Variants in TYR observed in about 807,000 individuals in gnomAD.
TYR encodes tyrosinase, also known as LB24-AB.
In TYR, 58 loss-of-function variants were observed where a neutral mutation model predicts 51.5. The ratio of observed to expected loss-of-function variants is 1.13; its 90% CI spans 0.91 to 1.40. The LOEUF (loss-of-function observed/expected upper bound fraction) is 1.40, where lower values mean the gene tolerates loss of function less well. Among genes scored for constraint, TYR ranks in the 40% most tolerant of loss-of-function variants. TYR has a pLI of 0.00. For synonymous variants in TYR, 263 were observed against 235.2 expected, an observed-to-expected ratio of 1.12 and a Z score of -1.08; for missense variants, 732 against 647.4, an observed-to-expected ratio of 1.13 and a Z score of -1.42.
At chr11:89,275,187 A>C (rs2135317620) in intron 3 of TYR, among the ~76,000 whole-genome samples, 1 of 152,026 alleles carries the variant, frequency 6.6e-6, no homozygotes, top group Admixed American at 6.6e-5. Flanking sequence ...CCTTTCTTAC[A>C]TACTCTGAGA....
intron 1 of TYR, among the ~76,000 whole-genome samples, chr11:89,180,283 T>C (rs559324744): frequency 6.6e-6 from 1 of 152,262 alleles, no homozygotes; most frequent in South Asian, 2.1e-4. Flanking sequence ...GGACATGGGA[T>C]TTTCAGTCAG....
chr11:89,204,713 T>A (rs931944746), intron 2 of TYR, among the ~76,000 whole-genome samples: 1 of 152,034 alleles, frequency 6.6e-6, no homozygotes, highest in African/African-American at 2.4e-5. Flanking sequence ...TATAAACTTT[T>A]ATAAAACAGA....
At chr11:89,182,019 T>C (rs1026247489) in intron 1 of TYR, among the ~76,000 whole-genome samples, 2 of 152,208 alleles carry the variant, frequency 1.3e-5, no homozygotes, top group African/African-American at 2.4e-5. Flanking sequence ...AGACTTTTAC[T>C]GATCCACCTC....
intron 3 of TYR, among the ~76,000 whole-genome samples, chr11:89,268,164 A>T (rs1168833501): frequency 2.0e-5 from 3 of 151,936 alleles, no homozygotes; most frequent in African/African-American, 7.2e-5. Flanking sequence ...AACATAGCTC[A>T]TAGGGTTGTT....
intron 4 of TYR, among the ~76,000 whole-genome samples, chr11:89,291,439 C>A (rs1258677489): frequency 4.0e-5 from 6 of 151,756 alleles, no homozygotes; most frequent in Non-Finnish European, 8.8e-5. Context: ...GCATCAGGTA[C>A]TTTTAGTAGC....
At chr11:89,210,528 G>C (rs1025549239) in intron 2 of TYR, among the ~76,000 whole-genome samples, 4 of 152,282 alleles carry the variant, frequency 2.6e-5, no homozygotes, top group African/African-American at 9.6e-5. Flanking sequence ...GAATGACCAA[G>C]TTACAAAACA....
intron 4 of TYR, chr11:89,293,706 C>T (rs1944874432): frequency 1.2e-5 from 2 of 162,710 alleles, no homozygotes; most frequent in South Asian, 2.0e-4. Flanking sequence ...TAATTAAAAG[C>T]CAAGACCCAG....
chr11:89,190,215 C>T (rs569317600), intron 1 of TYR, among the ~76,000 whole-genome samples: 3 of 152,124 alleles, frequency 2.0e-5, no homozygotes, highest in Non-Finnish European at 4.4e-5. Context: ...AAAACAGCCT[C>T]AGGCAGGCTC....
At chr11:89,216,540 C>T (rs1943834468) in intron 2 of TYR, among the ~76,000 whole-genome samples, 1 of 150,010 alleles carries the variant, frequency 6.7e-6, no homozygotes, top group African/African-American at 2.5e-5. Flanking sequence ...GTAGTCTCAG[C>T]TACTCAGTAG....
At chr11:89,234,779 C>T (rs1377808242) in intron 3 of TYR, among the ~76,000 whole-genome samples, 1 of 151,976 alleles carries the variant, frequency 6.6e-6, no homozygotes, top group Non-Finnish European at 1.5e-5. Context: ...AAAACAATTA[C>T]CATGGTCACG....
intron 3 of TYR, among the ~76,000 whole-genome samples, chr11:89,242,281 C>G (rs916068725): frequency 6.6e-6 from 1 of 152,066 alleles, no homozygotes; most frequent in East Asian, 1.9e-4. Context: ...AATCTCAGCT[C>G]ACTGCAAACT....
At chr11:89,222,844 T>C (rs1943929931) in intron 2 of TYR, among the ~76,000 whole-genome samples, 1 of 152,222 alleles carries the variant, frequency 6.6e-6, no homozygotes. Flanking sequence ...TTGGGGGAAC[T>C]CTTACTGCCT....
In TYR at chr11:89,191,251, A is replaced by G. The variant is rs1325904837; in HGVS notation, c.869A>G (p.Asn290Ser). ...EEYNSHQSLCNGTPEGPLRRN... is the reference protein window; with the variant it reads ...EEYNSHQSLCSGTPEGPLRRN... Reference sequence around the variant, plus strand: ...TACAACAGCCATCAGTCTTTATGCAATGGAACGCCCGAGGGACCTTTACGG... The same window carrying G: ...TACAACAGCCATCAGTCTTTATGCAGTGGAACGCCCGAGGGACCTTTACGG... Residue 290 changes from asparagine (N) to serine (S), a missense_variant, in exon 2 of 5, where the codon AAT (asparagine) becomes AGT (serine). Transcript: ENST00000263321. 8.1e-6 allele frequency: 13 copies of G among 1,613,452 alleles called. No individual in the cohort carries two copies. The highest frequency in any genetic ancestry group is 1.1e-5 in the South Asian group (1 of 91,078).
chr11:89,248,915 T>C (rs921207777), intron 3 of TYR, among the ~76,000 whole-genome samples: 7 of 152,068 alleles, frequency 4.6e-5, no homozygotes, highest in African/African-American at 1.7e-4. Flanking sequence ...TATGTGATAA[T>C]ATAGATGTAG....
intron 3 of TYR, among the ~76,000 whole-genome samples, chr11:89,262,666 C>G (rs1357425829): frequency 7.0e-6 from 1 of 143,574 alleles, no homozygotes; most frequent in Non-Finnish European, 1.5e-5. Context: ...GGGGACATTA[C>G]TATTGTCTTT....
chr11:89,266,368 T>G (rs1944525992), intron 3 of TYR, among the ~76,000 whole-genome samples: 1 of 151,984 alleles, frequency 6.6e-6, no homozygotes, highest in South Asian at 2.1e-4. Flanking sequence ...GAATTTTGCT[T>G]CTTTTAGATG....
chr11:89,275,677 C>A (rs911850666), intron 3 of TYR, among the ~76,000 whole-genome samples: 1 of 151,742 alleles, frequency 6.6e-6, no homozygotes, highest in African/African-American at 2.4e-5. Flanking sequence ...TTCTCTAGCA[C>A]AGCCACATGG....
intron 3 of TYR, among the ~76,000 whole-genome samples, chr11:89,280,198 A>G (rs946327446): frequency 6.6e-6 from 1 of 151,706 alleles, no homozygotes. Flanking sequence ...CCCCAGCCCT[A>G]GAACCTGCCG....
intron 2 of TYR, among the ~76,000 whole-genome samples, chr11:89,193,472 T>C (rs1043908448): frequency 1.3e-5 from 2 of 152,130 alleles, no homozygotes; most frequent in African/African-American, 4.8e-5. Flanking sequence ...AATTATTTTT[T>C]CCCATAATTT....
Sources: allele counts gnomAD v4.1 joint callset (sites outside exome capture counted in the v4.1 genomes callset), GRCh38; gene constraint gnomAD v4.1.1; transcripts MANE v1.5; gene names NCBI Gene and HGNC (gene_info 2026-07-23, HGNC 2026-07-21).